Variants in ITFG1 observed in about 807,000 individuals in gnomAD.
ITFG1 encodes integrin alpha FG-GAP repeat containing 1.
Under a neutral mutation model 81.8 loss-of-function variants are expected in ITFG1, and 34 were observed. The ratio of observed to expected loss-of-function variants is 0.42; its 90% confidence interval spans 0.32 to 0.55. ITFG1 has a LOEUF of 0.55. Among genes scored for constraint, ITFG1 ranks in the 20% least tolerant of loss-of-function variants. ITFG1 has a pLI of 0.17. For missense variants in ITFG1, 672 were observed against 755.4 expected (o/e 0.89, Z 1.29); for synonymous variants, 285 against 270.6 (o/e 1.05, Z -0.52).
chr16:47,164,893 AG>A (rs1369369691), intron 14 of ITFG1, among the ~76,000 whole-genome samples: 1 of 152,258 alleles, frequency 6.6e-6, no homozygotes, highest in Admixed American at 6.5e-5. Context: ...GAAGGGGGGC[AG>A]GATGGGAATT....
At chr16:47,163,483 C>T (rs1964840671) in intron 14 of ITFG1, among the ~76,000 whole-genome samples, 1 of 152,158 alleles carries the variant, frequency 6.6e-6, no homozygotes. Flanking sequence ...ATTACTGTTA[C>T]TTGCCAAATA....
intron 6 of ITFG1, among the ~76,000 whole-genome samples, chr16:47,392,698 C>T (rs538589371): frequency 1.3e-5 from 2 of 152,184 alleles, no homozygotes; most frequent in East Asian, 1.9e-4. Flanking sequence ...ACGCATGAAT[C>T]GGAAAAGGGT....
At chr16:47,189,379 C>G (rs1455715906) in intron 14 of ITFG1, among the ~76,000 whole-genome samples, 1 of 152,210 alleles carries the variant, frequency 6.6e-6, no homozygotes, top group Non-Finnish European at 1.5e-5. Flanking sequence ...CTTCCTCCCT[C>G]CAGCCCCTGG....
At chr16:47,168,453 A>G (rs920502054) in intron 14 of ITFG1, among the ~76,000 whole-genome samples, 2 of 151,934 alleles carry the variant, frequency 1.3e-5, no homozygotes, top group African/African-American at 4.8e-5. Context: ...GGCTCATTGC[A>G]GCCTCGATCT....
chr16:47,277,186 C>T (rs1966406403), intron 10 of ITFG1, among the ~76,000 whole-genome samples: 1 of 152,124 alleles, frequency 6.6e-6, no homozygotes, highest in Non-Finnish European at 1.5e-5. Context: ...TTTAACTGAG[C>T]TATATAGCTC....
chr16:47,179,710 A>T (rs1016654541), intron 14 of ITFG1, among the ~76,000 whole-genome samples: 4 of 152,226 alleles, frequency 2.6e-5, no homozygotes, highest in African/African-American at 4.8e-5. Flanking sequence ...ACCTTTTAAA[A>T]GTATGTGGTG....
chr16:47,339,807 C>T (rs1325404893), intron 8 of ITFG1, among the ~76,000 whole-genome samples: 1 of 152,072 alleles, frequency 6.6e-6, no homozygotes. Flanking sequence ...TTGAAGAAAT[C>T]ATGGCCAAAA....
At chr16:47,403,875 A>G (rs1290230201) in intron 6 of ITFG1, among the ~76,000 whole-genome samples, 2 of 151,340 alleles carry the variant, frequency 1.3e-5, no homozygotes, top group Non-Finnish European at 1.5e-5. Context: ...CCCCCAGGCC[A>G]TGGACCAGAA....
intron 12 of ITFG1, among the ~76,000 whole-genome samples, chr16:47,247,854 T>C (rs1043818199): frequency 2.0e-5 from 3 of 152,140 alleles, no homozygotes; most frequent in Admixed American, 2.0e-4. Context: ...TTGTGTAAGT[T>C]TGCTCACATG....
Position 47,181,027 on chromosome 16 carries a change from C to T in ITFG1, c.1454-18363G>A, listed in dbSNP as rs866915191. Among the ~76,000 whole-genome samples the T allele has an allele frequency of 4.1e-4, 61 of 149,372 alleles. No individual in the cohort carries two copies. The Middle Eastern group carries it at 0.018, about 44-fold the overall frequency. Reference sequence around the variant, plus strand: ...CTGGAAAGTGAGGAGCGTCTCTGCCCGGCCGCCATACCATCTAGGAAGTCA... The same window carrying T: ...CTGGAAAGTGAGGAGCGTCTCTGCCTGGCCGCCATACCATCTAGGAAGTCA... On this transcript the variant is annotated intron_variant, in intron 14 of 17. Transcript: ENST00000320640.
chr16:47,378,606 A>G (rs2151591544), intron 6 of ITFG1, among the ~76,000 whole-genome samples: 1 of 152,348 alleles, frequency 6.6e-6, no homozygotes, highest in South Asian at 2.1e-4. Context: ...TGGCTTTGCT[A>G]GCTATTTATT....
intron 14 of ITFG1, among the ~76,000 whole-genome samples, chr16:47,193,010 C>A (rs941453409): frequency 6.6e-6 from 1 of 152,050 alleles, no homozygotes; most frequent in Non-Finnish European, 1.5e-5. Context: ...CTGTATTTGT[C>A]TGTTCTGGTT....
chr16:47,288,826 G>C (rs1966880457), intron 10 of ITFG1, among the ~76,000 whole-genome samples: 1 of 152,160 alleles, frequency 6.6e-6, no homozygotes, highest in African/African-American at 2.4e-5. Flanking sequence ...AACCCAAGAA[G>C]TGGAGGTTGC....
chr16:47,308,155 A>G (rs565123122), intron 10 of ITFG1, among the ~76,000 whole-genome samples: 1 of 152,306 alleles, frequency 6.6e-6, no homozygotes, highest in African/African-American at 2.4e-5. Context: ...TCCTTTGGGT[A>G]TATACCCAGT....
intron 14 of ITFG1, among the ~76,000 whole-genome samples, chr16:47,180,729 G>A (rs942889891): frequency 1.3e-5 from 2 of 152,098 alleles, no homozygotes; most frequent in Admixed American, 6.5e-5. Flanking sequence ...ATCTCAGCTC[G>A]CTACAACCTC....
chr16:47,314,403 T>C (rs1161537423), intron 8 of ITFG1, among the ~76,000 whole-genome samples: 1 of 152,188 alleles, frequency 6.6e-6, no homozygotes, highest in Admixed American at 6.5e-5. Context: ...AGAGACTTTA[T>C]TCTGGATGAA....
chr16:47,266,000 ACT>A (rs1966270796), intron 10 of ITFG1, among the ~76,000 whole-genome samples: 1 of 152,214 alleles, frequency 6.6e-6, no homozygotes, highest in Non-Finnish European at 1.5e-5. Context: ...TATACAAGAA[ACT>A]CTCACAATTT....
chr16:47,412,791 T>C (rs1404691087), intron 6 of ITFG1, among the ~76,000 whole-genome samples: 3 of 151,402 alleles, frequency 2.0e-5, no homozygotes, highest in Non-Finnish European at 4.4e-5. Context: ...GACTGGTCCT[T>C]CAAATCAACT....
chr16:47,423,814 C>T (rs1968983380), intron 6 of ITFG1, among the ~76,000 whole-genome samples: 1 of 152,218 alleles, frequency 6.6e-6, no homozygotes, highest in Non-Finnish European at 1.5e-5. Flanking sequence ...GTCTGATCGG[C>T]TTCCCTTTGT....
Sources: gnomAD v4.1 joint callset for allele counts (sites outside exome capture counted in the v4.1 genomes callset) on GRCh38, gnomAD v4.1.1 for gene constraint, MANE v1.5 for transcripts, NCBI Gene and HGNC (gene_info 2026-07-23, HGNC 2026-07-21) for gene names.